The following SLC36A2 variants were observed in gnomAD, a reference collection of about 807,000 sequenced individuals.
SLC36A2 encodes the protein proton-coupled amino acid transporter 2.
Under a neutral mutation model 42.7 loss-of-function variants are expected in SLC36A2, and 39 were observed. The observed-to-expected ratio is 0.91, with a 90% CI of 0.71 to 1.19. SLC36A2 has a LOEUF of 1.19. Among genes scored for constraint, SLC36A2 ranks in the 50% most tolerant of loss-of-function variants. SLC36A2 has a pLI of 0.00. For missense variants in SLC36A2, 590 were observed against 613.7 expected (o/e 0.96, Z 0.41); for synonymous variants, 237 against 240.8 (o/e 0.98, Z 0.15).
chr5:151,326,321 C>T (rs1433200554), intron 7 of SLC36A2, among the ~76,000 whole-genome samples: 2 of 152,214 alleles, frequency 1.3e-5, no homozygotes, highest in African/African-American at 4.8e-5. Flanking sequence ...TCCCCTCACC[C>T]CCACCTACCA....
intron 3 of SLC36A2, 68 bp from the exon 4 acceptor site, chr5:151,343,051 A>G: frequency 4.7e-6 from 6 of 1,277,510 alleles, no homozygotes; most frequent in Non-Finnish European, 6.8e-6. Context: ...GTCAAAAGTC[A>G]GGAGACACAG....
chr5:151,337,226 C>T (rs1451097176), intron 5 of SLC36A2, among the ~76,000 whole-genome samples: 3 of 152,180 alleles, frequency 2.0e-5, no homozygotes, highest in Non-Finnish European at 4.4e-5. Context: ...CCTGGGCAAT[C>T]CCATATGTTC....
At chr5:151,325,600 A>G (rs1443738575) in intron 7 of SLC36A2, 148 bp from the exon 8 acceptor site, 4 of 890,838 alleles carry the variant, frequency 4.5e-6, no homozygotes, top group Admixed American at 4.0e-5. Context: ...AGTGCTATTC[A>G]CATAGCCAAA....
At chr5:151,343,199 T>C (rs1211341393) in intron 3 of SLC36A2, among the ~76,000 whole-genome samples, 1 of 152,184 alleles carries the variant, frequency 6.6e-6, no homozygotes, top group African/African-American at 2.4e-5. Flanking sequence ...AAGAGTCTAA[T>C]GCACACCTTG....
intron 9 of SLC36A2, among the ~76,000 whole-genome samples, chr5:151,318,809 C>G (rs1014167723): frequency 3.3e-5 from 5 of 151,756 alleles, no homozygotes; most frequent in African/African-American, 1.2e-4. Context: ...GTCAGAAAAC[C>G]CCTAACAAAG....
Position 151,325,268 on chromosome 5 carries a change from G to C in SLC36A2, c.1010+18C>G. Reference sequence around the variant, plus strand: ...ACCCATTCCTGAGTCCCCACCACCTGACAGCCCATGAAGATACCAGCAGTT... The same window carrying C: ...ACCCATTCCTGAGTCCCCACCACCTCACAGCCCATGAAGATACCAGCAGTT... On this transcript the variant is annotated intron_variant, in intron 8 of 9. Coordinates refer to ENST00000335244, the MANE Select transcript of SLC36A2 (RefSeq NM_181776.3). 1.2e-6 allele frequency: 2 copies of C among 1,611,550 alleles called. No homozygotes were observed. The highest frequency in any genetic ancestry group is 1.7e-6 in the Non-Finnish European group (2 of 1,178,926).
rs534079669 is a variant in SLC36A2, at chr5:151,333,152, A to G, written c.843+72T>C. 144 of 1,362,548 alleles carry G rather than the reference A, an allele frequency of 1.1e-4. 1 individual carries two copies. The African/African-American group carries it at 1.6e-3, about 15-fold the overall frequency. The allele number at this position is 1,362,548 out of a possible 1,614,324, so 84.4% of individuals were successfully genotyped here. A position where few individuals can be genotyped will look rare whatever the true frequency, so the allele number is the denominator to read the frequency against. On this transcript the variant is annotated intron_variant, in intron 7 of 9. Coordinates refer to ENST00000335244, the MANE Select transcript of SLC36A2 (RefSeq NM_181776.3). ...AATGGCCAGCGGGACACAGAAACCC[A>G]GAGCTCACAGTTCCTTTCTAGAAGG...
At chr5:151,343,461 T>G (rs1475168815) in intron 3 of SLC36A2, 49 bp downstream of exon 3, 2 of 1,562,184 alleles carry the variant, frequency 1.3e-6, no homozygotes, top group African/African-American at 2.7e-5. Context: ...GGGCTATCCC[T>G]GAGAACCATG....
At chr5:151,335,089 T>TA (rs1331018250) in intron 6 of SLC36A2, among the ~76,000 whole-genome samples, 1 of 152,050 alleles carries the variant, frequency 6.6e-6, no homozygotes, top group Non-Finnish European at 1.5e-5. Flanking sequence ...CACATTTTTT[T>TA]AAAAAAGCCA....
At chr5:151,317,865 AAAGAC>A (rs371560947) in intron 9 of SLC36A2, among the ~76,000 whole-genome samples, 38 of 152,358 alleles carry the variant, frequency 2.5e-4, no homozygotes, top group African/African-American at 9.1e-4. Context: ...TAACAAGAGA[AAAGAC>A]AAAGTGTATA....
intron 5 of SLC36A2, among the ~76,000 whole-genome samples, chr5:151,336,803 A>G (rs17111939): frequency 0.2 from 30,444 of 151,600 alleles, 7,869 homozygotes; most frequent in African/African-American, 0.61. Flanking sequence ...CTGGACAAGC[A>G]ATACAAATCA....
In SLC36A2 at chr5:151,316,965, C is replaced by G; in HGVS notation, c.1304G>C (p.Gly435Ala). 2 of 1,613,970 alleles carry G rather than the reference C, an allele frequency of 1.2e-6. No individual in the cohort carries two copies. Among genetic ancestry groups the G allele is most frequent in the Non-Finnish European group, 1.7e-6 (2 of 1,179,988 alleles). The change falls in exon 10 of 10, where the codon GGC becomes GCC. Residue 435 changes from glycine to alanine, a missense_variant. By Grantham distance (60) the Gly-to-Ala change is moderately conservative. Coordinates refer to ENST00000335244, the MANE Select transcript of SLC36A2 (RefSeq NM_181776.3). ...CTTGAAGATGGTGAGGGGGCTCATGCCCTCTGAGTAGAACGTGGTGACCTC... is the reference window on the plus strand; with the variant it reads ...CTTGAAGATGGTGAGGGGGCTCATGGCCTCTGAGTAGAACGTGGTGACCTC... ...LLEVTTFYSE[G>A]MSPLTIFKDA...
intron 9 of SLC36A2, chr5:151,319,260 C>A (rs1755613191): frequency 2.9e-6 from 1 of 340,752 alleles, no homozygotes; most frequent in East Asian, 1.7e-4. Context: ...GGATTGTTAT[C>A]TTTATACTGT....
Position 151,339,726 on chromosome 5 carries a change from C to T in SLC36A2, c.441-582G>A, listed in dbSNP as rs573505941. On this transcript the variant is annotated intron_variant, in intron 4 of 9. Coordinates refer to ENST00000335244, the MANE Select transcript of SLC36A2 (RefSeq NM_181776.3). Reference sequence around the variant, plus strand: ...CGATACCGGGCTTGGTGGCATTCCTCATCATTGATACCAATTAATGTGGGA... The same window carrying T: ...CGATACCGGGCTTGGTGGCATTCCTTATCATTGATACCAATTAATGTGGGA... Among the ~76,000 whole-genome samples, 4 of 152,344 alleles carry T rather than the reference C, an allele frequency of 2.6e-5. No homozygotes were observed. The East Asian group carries it at 7.7e-4, about 29-fold the overall frequency.
At chr5:151,347,240 C>A in intron 1 of SLC36A2, 57 bp downstream of exon 1, 1 of 1,606,760 alleles carries the variant, frequency 6.2e-7, no homozygotes. Context: ...AGGGTTTTTG[C>A]CAATGCAAGC....
chr5:151,317,079 G>A lies in SLC36A2; in HGVS notation c.1190C>T (p.Ala397Val), dbSNP rs772712606. ...CAGGTCCAGGCGGGGGATGAGGATG[G>A]CCAGGAGGCCTGCAGGGAGAGGATA... ...LVMVCLTCLLAILIPRLDLVI... is the reference protein window; with the variant it reads ...LVMVCLTCLLVILIPRLDLVI... Residue 397 changes from alanine (A) to valine (V), a missense_variant, in exon 10 of 10, where the codon GCC (alanine) becomes GTC (valine). Physicochemically the swap from Ala to Val is moderately conservative, Grantham distance 64 (BLOSUM62 0). Coordinates refer to ENST00000335244, the MANE Select transcript of SLC36A2 (RefSeq NM_181776.3). 4 of 1,613,924 alleles carry A rather than the reference G, an allele frequency of 2.5e-6. No individual in the cohort carries two copies. The South Asian group carries it at 4.4e-5, about 18-fold the overall frequency.
intron 9 of SLC36A2, among the ~76,000 whole-genome samples, chr5:151,318,705 A>G (rs914057597): frequency 1.3e-5 from 2 of 151,278 alleles, no homozygotes; most frequent in African/African-American, 4.8e-5. Context: ...AACAATTAGA[A>G]TATGAAATTA....
At position 151,316,091 on chromosome 5, in the gene SLC36A2, T is replaced by G. The variant is rs1291212532; in HGVS notation, c.*726A>C. Reference sequence around the variant, plus strand: ...GGATTATGTGCCCACCCTTAATGTTTGCTTTTTGAACAGACCCAGAAAAGG... The same window carrying G: ...GGATTATGTGCCCACCCTTAATGTTGGCTTTTTGAACAGACCCAGAAAAGG... On this transcript the variant is annotated 3_prime_UTR_variant, in exon 10 of 10. Transcript: ENST00000335244. The G allele has an allele frequency of 6.6e-6, 1 of 152,350 alleles. No homozygotes were observed. The highest frequency in any genetic ancestry group is 1.5e-5 in the Non-Finnish European group (1 of 68,160). 9.4% of individuals were successfully genotyped at this position (152,350 alleles called of 1,614,324 possible).
intron 9 of SLC36A2, among the ~76,000 whole-genome samples, chr5:151,318,452 ATTT>A: frequency 6.9e-6 from 1 of 145,838 alleles, no homozygotes; most frequent in African/African-American, 2.5e-5. Context: ...CAAATTTATT[ATTT>A]ATTTTATATA....
Sources: gnomAD v4.1 joint callset for allele counts (sites outside exome capture counted in the v4.1 genomes callset) on GRCh38, gnomAD v4.1.1 for gene constraint, MANE v1.5 for transcripts, NCBI Gene and HGNC (gene_info 2026-07-23, HGNC 2026-07-21) for gene names.